Variants in TAS2R1 observed in about 807,000 individuals in gnomAD.
The protein encoded by TAS2R1 is taste receptor type 2 member 1.
For synonymous variants in TAS2R1, 141 were observed against 134.2 expected, an observed-to-expected ratio of 1.05 and a Z score of -0.35; for missense variants, 370 against 353.4, an observed-to-expected ratio of 1.05 and a Z score of -0.38.
chr5:9,778,108 C>T, the TAS2R1 span, among the ~76,000 whole-genome samples: 1 of 151,992 alleles, frequency 6.6e-6, no homozygotes, highest in African/African-American at 2.4e-5. Flanking sequence ...TTTCGATCTC[C>T]TGACCTCATG....
chr5:9,690,424 A>G (rs1263857518), intron 1 of TAS2R1, among the ~76,000 whole-genome samples: 1 of 152,144 alleles, frequency 6.6e-6, no homozygotes, highest in African/African-American at 2.4e-5. Flanking sequence ...CCCCTAATAC[A>G]GGTCATGGTC....
the TAS2R1 span, among the ~76,000 whole-genome samples, chr5:9,780,690 T>TGCGC: frequency 6.6e-6 from 1 of 151,888 alleles, no homozygotes; most frequent in African/African-American, 2.4e-5. Flanking sequence ...TGTGTGTGTG[T>TGCGC]GCGCGCGCGC....
chr5:9,670,819 C>T (rs1387307625), intron 1 of TAS2R1, among the ~76,000 whole-genome samples: 1 of 152,076 alleles, frequency 6.6e-6, no homozygotes, highest in Non-Finnish European at 1.5e-5. Context: ...GAAACCAAAA[C>T]CTGGCAAAGA....
chr5:9,686,245 T>C (rs1309669619), intron 1 of TAS2R1, among the ~76,000 whole-genome samples: 1 of 152,196 alleles, frequency 6.6e-6, no homozygotes, highest in Non-Finnish European at 1.5e-5. Flanking sequence ...ATCTATTTCC[T>C]AGCACCTATA....
intron 2 of TAS2R1, among the ~76,000 whole-genome samples, chr5:9,652,413 C>T (rs75125118): frequency 0.057 from 8,703 of 152,252 alleles, 311 homozygotes; most frequent in Middle Eastern, 0.085. Context: ...ATGTGGGCTA[C>T]TCCGGGGCTG....
the TAS2R1 span, among the ~76,000 whole-genome samples, chr5:9,845,843 C>T: frequency 1.3e-5 from 2 of 152,036 alleles, no homozygotes; most frequent in Non-Finnish European, 1.5e-5. Flanking sequence ...ATAATGTAGT[C>T]AAGAATATCT....
intron 1 of TAS2R1, among the ~76,000 whole-genome samples, chr5:9,697,009 G>A (rs763910808): frequency 1.3e-4 from 19 of 151,610 alleles, no homozygotes; most frequent in East Asian, 3.9e-4. Context: ...CTGAAACTCC[G>A]TCTCAAAAAA....
At chr5:9,667,066 T>C (rs537550256) in intron 1 of TAS2R1, among the ~76,000 whole-genome samples, 23 of 152,336 alleles carry the variant, frequency 1.5e-4, no homozygotes, top group African/African-American at 4.8e-4. Flanking sequence ...AAATATTTTT[T>C]ATTGACTTCT....
the TAS2R1 span, among the ~76,000 whole-genome samples, chr5:9,778,606 A>T: frequency 6.6e-6 from 1 of 152,226 alleles, no homozygotes; most frequent in South Asian, 2.1e-4. Context: ...TCTTCTAGAT[A>T]ACTTTCTGCA....
the TAS2R1 span, among the ~76,000 whole-genome samples, chr5:9,837,600 G>T: frequency 6.6e-6 from 1 of 152,148 alleles, no homozygotes; most frequent in Non-Finnish European, 1.5e-5. Flanking sequence ...TGTGGGCCTG[G>T]CTCCTCCCAA....
At chr5:9,825,956 A>T in the TAS2R1 span, among the ~76,000 whole-genome samples, 1 of 152,158 alleles carries the variant, frequency 6.6e-6, no homozygotes, top group Non-Finnish European at 1.5e-5. Context: ...TACAGGGGTA[A>T]ATGTTATTAA....
the TAS2R1 span, among the ~76,000 whole-genome samples, chr5:9,756,784 T>C: frequency 6.6e-6 from 1 of 152,324 alleles, no homozygotes; most frequent in African/African-American, 2.4e-5. Context: ...TCAGGAGATT[T>C]GGGGCACTTG....
the TAS2R1 span, among the ~76,000 whole-genome samples, chr5:9,786,896 G>T: frequency 1.3e-5 from 2 of 152,038 alleles, no homozygotes; most frequent in African/African-American, 4.8e-5. Flanking sequence ...CTCTGCATAA[G>T]CCACATCATT....
intron 1 of TAS2R1, among the ~76,000 whole-genome samples, chr5:9,668,866 A>G (rs1350252534): frequency 6.6e-6 from 1 of 152,192 alleles, no homozygotes; most frequent in Non-Finnish European, 1.5e-5. Flanking sequence ...TCAAGTCTGC[A>G]TAATAACCAG....
the TAS2R1 span, among the ~76,000 whole-genome samples, chr5:9,739,748 C>T: frequency 6.6e-6 from 1 of 152,306 alleles, no homozygotes; most frequent in Admixed American, 6.5e-5. Flanking sequence ...TCTTTTAAAG[C>T]CTGGTGGCAA....
At chr5:9,719,343 G>A in the TAS2R1 span, among the ~76,000 whole-genome samples, 4 of 152,184 alleles carry the variant, frequency 2.6e-5, no homozygotes, top group African/African-American at 9.7e-5. Flanking sequence ...CTGTAAGGAT[G>A]TTCTTTGTAC....
At chr5:9,776,447 T>C in the TAS2R1 span, among the ~76,000 whole-genome samples, 3 of 152,296 alleles carry the variant, frequency 2.0e-5, no homozygotes, top group East Asian at 5.8e-4. Context: ...ATGAAGGTGC[T>C]TTTTTGTGTG....
the TAS2R1 span, among the ~76,000 whole-genome samples, chr5:9,894,219 A>C: frequency 6.6e-6 from 1 of 152,098 alleles, no homozygotes; most frequent in Non-Finnish European, 1.5e-5. Flanking sequence ...CCTGGCCAAC[A>C]TGACGAAACC....
the TAS2R1 span, among the ~76,000 whole-genome samples, chr5:9,861,037 G>GGTTTTTTTTTTTTTTTTTTTTTTT: frequency 2.3e-5 from 2 of 88,608 alleles, no homozygotes; most frequent in African/African-American, 8.5e-5. Context: ...GGAAGATGAG[G>GGTTTTTTTTTTTTTTTTTTTTTTT]TTTTTTTTTT....
Sources: gnomAD v4.1 joint callset for allele counts (sites outside exome capture counted in the v4.1 genomes callset) on GRCh38, gnomAD v4.1.1 for gene constraint, MANE v1.5 for transcripts, NCBI Gene and HGNC (gene_info 2026-07-23, HGNC 2026-07-21) for gene names.